The following CWH43 variants were observed in gnomAD, a reference collection of about 807,000 sequenced individuals.
CWH43 encodes the protein cell wall biogenesis 43 C-terminal homolog, also known as PGAP2-interacting protein.
CWH43 carries 91 observed loss-of-function variants against 85.7 expected under a neutral mutation model. That is an observed-to-expected ratio of 1.06 (90% confidence interval 0.90 to 1.26). The LOEUF (loss-of-function observed/expected upper bound fraction) is 1.26, where lower values mean the gene tolerates loss of function less well. CWH43 is among the 50% of genes most tolerant of loss of function. The pLI is 0.00. For synonymous variants in CWH43, 323 were observed against 293.6 expected (o/e 1.10, Z -1.02); for missense variants, 869 against 839.2 (o/e 1.04, Z -0.44).
At chr4:49,036,639 A>G (rs554909248) in intron 12 of CWH43, among the ~76,000 whole-genome samples, 12 of 152,260 alleles carry the variant, frequency 7.9e-5, no homozygotes, top group African/African-American at 1.4e-4. Context: ...ACTACTGCCT[A>G]TCTGTTCTGG....
At chr4:49,022,902 T>G (rs1419874166) in intron 9 of CWH43, among the ~76,000 whole-genome samples, 1 of 152,172 alleles carries the variant, frequency 6.6e-6, no homozygotes, top group African/African-American at 2.4e-5. Context: ...TATTGTCTGT[T>G]TTGTTTCTAA....
At chr4:49,059,468 G>A (rs1043435495) in intron 15 of CWH43, among the ~76,000 whole-genome samples, 1 of 152,062 alleles carries the variant, frequency 6.6e-6, no homozygotes, top group African/African-American at 2.4e-5. Context: ...TCAGTTACTT[G>A]TGCTTTATTT....
intron 9 of CWH43, among the ~76,000 whole-genome samples, chr4:49,018,545 C>T (rs1239101155): frequency 2.0e-5 from 3 of 152,192 alleles, no homozygotes; most frequent in African/African-American, 7.2e-5. Context: ...TTTCTTGTCT[C>T]TTTCTTTCCT....
At chr4:49,015,626 A>G (rs1204005947) in intron 8 of CWH43, among the ~76,000 whole-genome samples, 1 of 152,006 alleles carries the variant, frequency 6.6e-6, no homozygotes, top group African/African-American at 2.4e-5. Context: ...TTCTGCAAAT[A>G]TTGCTTCTTT....
At chr4:49,035,746 A>G (rs1784244047) in intron 12 of CWH43, among the ~76,000 whole-genome samples, 1 of 152,152 alleles carries the variant, frequency 6.6e-6, no homozygotes, top group Non-Finnish European at 1.5e-5. Context: ...ACTAGGTAAG[A>G]TTTATCTCCT....
chr4:49,044,751 ATGCT>A, intron 13 of CWH43, 31 bp from the exon 14 acceptor site: 3 of 1,575,894 alleles, frequency 1.9e-6, no homozygotes, highest in Non-Finnish European at 2.6e-6. Context: ...TTTGCTTTTT[ATGCT>A]TTAAACATTC....
chr4:48,991,532 T>C lies in CWH43; in HGVS notation c.314T>C (p.Ile105Thr), dbSNP rs1267397413. The C allele has an allele frequency of 4.3e-6, 7 of 1,613,960 alleles. No homozygotes were observed. The highest frequency in any genetic ancestry group is 3.3e-5 in the Admixed American group (2 of 59,978). ...GCGCTTGGGGTGTCTTCCTCACTGA[T>C]AGTGCAAGCTGTGACTTGGTGGTCA... ...VLALGVSSSL[I>T]VQAVTWWSGS... Residue 105 changes from isoleucine to threonine, a missense_variant, in exon 3 of 16, where the codon ATA becomes ACA. Physicochemically the swap from Ile to Thr is moderately conservative, Grantham distance 89. Transcript: ENST00000226432.
intron 9 of CWH43, among the ~76,000 whole-genome samples, chr4:49,019,220 T>A (rs1783659700): frequency 6.6e-6 from 1 of 152,154 alleles, no homozygotes; most frequent in African/African-American, 2.4e-5. Context: ...TCCTTTTAGA[T>A]CAAGCTGCCA....
intron 13 of CWH43, among the ~76,000 whole-genome samples, chr4:49,043,313 C>G (rs143668855): frequency 2.0e-5 from 3 of 152,146 alleles, no homozygotes; most frequent in Non-Finnish European, 4.4e-5. Context: ...GAAGCACAAA[C>G]GAATATTAGA....
intron 8 of CWH43, among the ~76,000 whole-genome samples, chr4:49,008,181 G>A (rs1234894821): frequency 2.0e-5 from 3 of 152,120 alleles, no homozygotes; most frequent in Non-Finnish European, 2.9e-5. Context: ...GTGTGAGATG[G>A]TATCCCATTG....
At chr4:49,050,036 A>G (rs1318334509) in intron 14 of CWH43, among the ~76,000 whole-genome samples, 1 of 152,214 alleles carries the variant, frequency 6.6e-6, no homozygotes, top group Non-Finnish European at 1.5e-5. Flanking sequence ...CACTCCATAT[A>G]TATACATATG....
At chr4:48,999,013 T>C (rs899261775) in intron 6 of CWH43, among the ~76,000 whole-genome samples, 2 of 152,148 alleles carry the variant, frequency 1.3e-5, no homozygotes, top group African/African-American at 4.8e-5. Context: ...GGGTTTGTTG[T>C]ACAGATTATT....
At chr4:49,042,426 G>T (rs563927729) in intron 13 of CWH43, among the ~76,000 whole-genome samples, 1 of 152,292 alleles carries the variant, frequency 6.6e-6, no homozygotes, top group East Asian at 1.9e-4. Flanking sequence ...GAATACAAAA[G>T]AAAGAAATGT....
intron 7 of CWH43, among the ~76,000 whole-genome samples, chr4:49,006,437 T>C (rs1243697392): frequency 1.3e-5 from 2 of 152,142 alleles, no homozygotes; most frequent in East Asian, 3.8e-4. Flanking sequence ...GAAAAGAATA[T>C]TTATTATATC....
chr4:49,003,802 C>T lies in CWH43; in HGVS notation c.870C>T (p.Phe290=), dbSNP rs200574557. 3.7e-6 allele frequency: 6 copies of T among 1,613,970 alleles called. No individual in the cohort carries two copies. Among genetic ancestry groups the T allele is most frequent in the East Asian group, 4.5e-5 (2 of 44,876 alleles). The change falls in exon 7 of 16, where the codon TTC becomes TTT. Residue 290 remains phenylalanine, a synonymous_variant. Coordinates refer to ENST00000226432, the MANE Select transcript of CWH43 (RefSeq NM_025087.3). The part of the protein sequence containing the change: ...TWAAAVSGCV[F]AIFTASMWPQ... The stretch of plus-strand genomic sequence containing the variant: ...CAGCTGCTGTGTCTGGCTGTGTCTT[C>T]GCCATCTTTACTGCATCCATGTGGC...
chr4:48,996,021 C>G (rs1397605735), intron 5 of CWH43, among the ~76,000 whole-genome samples: 5 of 151,710 alleles, frequency 3.3e-5, no homozygotes. Flanking sequence ...GATCTGGCCC[C>G]CCTACTTACC....
At chr4:48,998,316 A>T (rs750957491) in intron 5 of CWH43, 144 bp from the exon 6 acceptor site, 5 of 611,264 alleles carry the variant, frequency 8.2e-6, no homozygotes, top group African/African-American at 1.8e-5. Flanking sequence ...ATTGGCTTCC[A>T]GTGGGCTCTC....
chr4:49,004,071 T>G (rs764004796), intron 7 of CWH43, 79 bp downstream of exon 7: 28 of 1,288,766 alleles, frequency 2.2e-5, no homozygotes, highest in Non-Finnish European at 2.9e-5. Flanking sequence ...TAGCACTTTA[T>G]GTAACTGGTG....
chr4:48,996,159 G>T (rs939424267), intron 5 of CWH43, among the ~76,000 whole-genome samples: 1 of 151,990 alleles, frequency 6.6e-6, no homozygotes, highest in Non-Finnish European at 1.5e-5. Flanking sequence ...TGATGTCCTG[G>T]CAAGCCCTAC....
Sources: allele counts gnomAD v4.1 joint callset (sites outside exome capture counted in the v4.1 genomes callset), GRCh38; gene constraint gnomAD v4.1.1; transcripts MANE v1.5; gene names NCBI Gene and HGNC (gene_info 2026-07-23, HGNC 2026-07-21).